ACSL3: variants seen among roughly 807,000 people sequenced by gnomAD.
The protein encoded by ACSL3 is fatty acid CoA ligase Acsl3.
ACSL3 carries 34 observed loss-of-function variants against 84.7 expected under a neutral mutation model. The ratio of observed to expected loss-of-function variants is 0.40; its 90% CI spans 0.31 to 0.53. ACSL3 has a LOEUF of 0.53. Among genes scored for constraint, ACSL3 ranks in the 20% least tolerant of loss-of-function variants. The pLI is 0.48. For synonymous variants in ACSL3, 315 were observed against 299.4 expected, an observed-to-expected ratio of 1.05 and a Z score of -0.54; for missense variants, 680 against 873.1, an observed-to-expected ratio of 0.78 and a Z score of 2.79.
chr2:222,921,990 C>A (rs1185997739), intron 8 of ACSL3, among the ~76,000 whole-genome samples: 1 of 152,128 alleles, frequency 6.6e-6, no homozygotes, highest in Non-Finnish European at 1.5e-5. Flanking sequence ...ACAGAAATTA[C>A]AAACATACAC....
intron 3 of ACSL3, among the ~76,000 whole-genome samples, chr2:222,902,085 T>C (rs1427496625): frequency 6.6e-6 from 1 of 152,214 alleles, no homozygotes; most frequent in Non-Finnish European, 1.5e-5. Context: ...ATATATTCAC[T>C]TAAGTAAACT....
Position 222,919,110 on chromosome 2 carries a change from A to T in ACSL3, c.713A>T (p.Asp238Val). ...CGCCTGCGGCACATCATCACTGTTG[A>T]TGGAAAGCCACCGACCTGGTCCGAG... ...VPRLRHIITV[D>V]GKPPTWSEFP... Residue 238 changes from aspartate to valine, a missense_variant, in exon 7 of 17, where the codon GAT becomes GTT. Physicochemically the swap from Asp to Val is radical, Grantham distance 152. Coordinates refer to ENST00000357430, the MANE Select transcript of ACSL3 (RefSeq NM_004457.5). 6.2e-7 allele frequency: 1 copy of T among 1,614,136 alleles called. No homozygotes were observed. The highest frequency in any genetic ancestry group is 8.5e-7 in the Non-Finnish European group (1 of 1,180,008).
In ACSL3 at chr2:222,934,569, A is replaced by G. The variant is rs745431207; in HGVS notation, c.1887A>G (p.Gln629=). Residue 629 remains glutamine, a synonymous_variant, in exon 16 of 17, where the codon CAA becomes CAG. Coordinates refer to ENST00000357430, the MANE Select transcript of ACSL3 (RefSeq NM_004457.5). The stretch of plus-strand genomic sequence containing the variant: ...TCATTGGATTTGTTGTGCCAAATCA[A>G]AAGGAACTAACTGAACTAGCTCGAA... ...SYVIGFVVPN[Q]KELTELARKK... 2 of 1,588,662 alleles carry G rather than the reference A, an allele frequency of 1.3e-6. No individual in the cohort carries two copies. The highest frequency in any genetic ancestry group is 1.2e-5 in the South Asian group (1 of 84,262).
At chr2:222,911,180 G>C (rs1696431114) in intron 4 of ACSL3, among the ~76,000 whole-genome samples, 1 of 152,014 alleles carries the variant, frequency 6.6e-6, no homozygotes, top group East Asian at 1.9e-4. Flanking sequence ...CTCCCGAGTA[G>C]TTGGGATTAC....
At chr2:222,926,974 A>G (rs369208006) in intron 11 of ACSL3, 43 bp from the exon 12 acceptor site, 273 of 1,587,976 alleles carry the variant, frequency 1.7e-4, no homozygotes, top group Admixed American at 2.2e-4. Flanking sequence ...GGAAAATCCC[A>G]TTCAGTTTTA....
intron 1 of ACSL3, among the ~76,000 whole-genome samples, chr2:222,877,803 A>C (rs961824109): frequency 2.0e-5 from 3 of 152,188 alleles, no homozygotes; most frequent in Non-Finnish European, 4.4e-5. Context: ...CCCGTAGACA[A>C]TTGGGAGCTG....
intron 8 of ACSL3, among the ~76,000 whole-genome samples, chr2:222,922,209 T>C (rs7595881): frequency 0.84 from 127,167 of 152,154 alleles, 53,492 homozygotes; most frequent in East Asian, 0.97. Flanking sequence ...TAATTTATTA[T>C]GTAATCCAAT....
At position 222,919,130 on chromosome 2, in the gene ACSL3, T is replaced by C. The variant is rs760270998; in HGVS notation, c.733T>C (p.Ser245Pro). 1.2e-6 allele frequency: 2 copies of C among 1,614,030 alleles called. No individual in the cohort carries two copies. Among genetic ancestry groups the C allele is most frequent in the African/African-American group, 1.3e-5 (1 of 74,936 alleles). The change falls in exon 7 of 17, where the codon TCC becomes CCC. Residue 245 changes from serine to proline, a missense_variant. Physicochemically the swap from Ser to Pro is moderately conservative, Grantham distance 74. Coordinates refer to ENST00000357430, the MANE Select transcript of ACSL3 (RefSeq NM_004457.5). ...ITVDGKPPTWSEFPKGIIVHT... is the reference protein window; with the variant it reads ...ITVDGKPPTWPEFPKGIIVHT... ...TGTTGATGGAAAGCCACCGACCTGG[T>C]CCGAGTTCCCCAAGGGCATCATTGT...
intron 1 of ACSL3, among the ~76,000 whole-genome samples, chr2:222,872,381 C>T (rs1695328381): frequency 6.6e-6 from 1 of 152,168 alleles, no homozygotes; most frequent in Non-Finnish European, 1.5e-5. Flanking sequence ...CTGCCTCGGT[C>T]TTCCAAACTG....
intron 1 of ACSL3, among the ~76,000 whole-genome samples, chr2:222,870,899 G>C (rs1223167486): frequency 2.0e-5 from 3 of 152,130 alleles, no homozygotes; most frequent in Non-Finnish European, 4.4e-5. Flanking sequence ...TGAGATTCTT[G>C]AAGAGAGGAT....
At chr2:222,865,341 A>G (rs1010279950) in intron 1 of ACSL3, among the ~76,000 whole-genome samples, 1 of 152,236 alleles carries the variant, frequency 6.6e-6, no homozygotes, top group African/African-American at 2.4e-5. Flanking sequence ...TTTAGAATTG[A>G]AGATACTTAA....
chr2:222,903,038 A>G (rs928640212), intron 3 of ACSL3, among the ~76,000 whole-genome samples: 3 of 152,148 alleles, frequency 2.0e-5, no homozygotes, highest in African/African-American at 7.2e-5. Context: ...TAGAAGGAAG[A>G]AAAAAAAGTC....
At chr2:222,921,102 C>T in intron 7 of ACSL3, 178 bp from the exon 8 acceptor site, 1 of 727,740 alleles carries the variant, frequency 1.4e-6, no homozygotes, top group Non-Finnish European at 2.5e-6. Flanking sequence ...TAGAATATAT[C>T]TCCCATACGT....
At chr2:222,882,636 G>A (rs540424226) in intron 1 of ACSL3, among the ~76,000 whole-genome samples, 58 of 152,144 alleles carry the variant, frequency 3.8e-4, no homozygotes, top group African/African-American at 1.2e-3. Context: ...GAGCTCAGGC[G>A]GTAATACTTG....
intron 1 of ACSL3, among the ~76,000 whole-genome samples, chr2:222,871,958 C>T (rs1022366610): frequency 6.6e-6 from 1 of 151,844 alleles, no homozygotes; most frequent in African/African-American, 2.4e-5. Context: ...GCATTCCCCC[C>T]CACCCCCGAC....
chr2:222,933,334 C>A, intron 15 of ACSL3, 54 bp downstream of exon 15: 2 of 1,293,902 alleles, frequency 1.5e-6, no homozygotes, highest in Non-Finnish European at 2.2e-6. Flanking sequence ...TGTCCATAGA[C>A]ATTTCCTACC....
chr2:222,919,138 C>T lies in ACSL3; in HGVS notation c.741C>T (p.Phe247=). ...GAAAGCCACCGACCTGGTCCGAGTT[C>T]CCCAAGGGCATCATTGTGCATACCA... is the stretch of plus-strand genomic sequence containing the variant. ...VDGKPPTWSE[F]PKGIIVHTMA... is the part of the protein sequence containing the mutation. Residue 247 remains phenylalanine, a synonymous_variant, in exon 7 of 17, where the codon TTC becomes TTT. Coordinates refer to ENST00000357430, the MANE Select transcript of ACSL3 (RefSeq NM_004457.5). 1.2e-6 allele frequency: 2 copies of T among 1,614,158 alleles called. No homozygotes were observed. Among genetic ancestry groups the T allele is most frequent in the African/African-American group, 1.3e-5 (1 of 75,050 alleles).
chr2:222,918,964 A>G (rs1367748902), intron 6 of ACSL3, 100 bp from the exon 7 acceptor site: 1 of 1,422,294 alleles, frequency 7.0e-7, no homozygotes, highest in Non-Finnish European at 9.5e-7. Flanking sequence ...TTTTGAGGCA[A>G]GAAATTACTT....
At chr2:222,865,458 T>C (rs544450313) in intron 1 of ACSL3, among the ~76,000 whole-genome samples, 4 of 152,250 alleles carry the variant, frequency 2.6e-5, no homozygotes, top group Non-Finnish European at 4.4e-5. Flanking sequence ...TAGTGTCTGT[T>C]TTGCAAGGTA....
Sources: allele counts gnomAD v4.1 joint callset (sites outside exome capture counted in the v4.1 genomes callset), GRCh38; gene constraint gnomAD v4.1.1; transcripts MANE v1.5; gene names NCBI Gene and HGNC (gene_info 2026-07-23, HGNC 2026-07-21).